Variants in TMEM132C observed in about 807,000 individuals in gnomAD.
The protein encoded by TMEM132C is protein phosphatase 1, regulatory subunit 152.
TMEM132C carries 29 observed loss-of-function variants against 61.4 expected under a neutral mutation model. The ratio of observed to expected loss-of-function variants is 0.47; its 90% CI spans 0.35 to 0.64. The LOEUF (loss-of-function observed/expected upper bound fraction) is 0.64. TMEM132C is among the 30% of genes least tolerant of loss of function. TMEM132C has a pLI of 0.00. For synonymous variants in TMEM132C, 656 were observed against 633.1 expected, an observed-to-expected ratio of 1.04 and a Z score of -0.54; for missense variants, 1,408 against 1,476.9, an observed-to-expected ratio of 0.95 and a Z score of 0.76.
chr12:128,295,007 A>ATAGATAGGTAGG, intron 1 of TMEM132C, among the ~76,000 whole-genome samples: 1 of 150,376 alleles, frequency 6.6e-6, no homozygotes, highest in Non-Finnish European at 1.5e-5. Flanking sequence ...AGATAGGTAG[A>ATAGATAGGTAGG]TAGATAAGAA....
In TMEM132C at chr12:128,696,309, G is replaced by A. The variant is rs532640010; in HGVS notation, c.1929+206G>A. On this transcript the variant is annotated intron_variant, in intron 7 of 8. Coordinates refer to ENST00000435159, the MANE Select transcript of TMEM132C (RefSeq NM_001136103.3). ...GGCAGCTGCACCCTCTTAGCTCCCC[G>A]TGTGACCTCATTCTCAATGGCTGCC... Among the ~76,000 whole-genome samples, 10 of 152,204 alleles carry A rather than the reference G, an allele frequency of 6.6e-5. No individual in the cohort carries two copies. The South Asian group carries it at 1.0e-3, about 16-fold the overall frequency.
At chr12:128,453,373 G>A (rs1054277308) in intron 2 of TMEM132C, among the ~76,000 whole-genome samples, 3 of 152,140 alleles carry the variant, frequency 2.0e-5, no homozygotes, top group Admixed American at 6.5e-5. Context: ...GGTCTCCCAC[G>A]GGAGTGGCTG....
intron 5 of TMEM132C, among the ~76,000 whole-genome samples, chr12:128,681,519 G>A (rs1954634061): frequency 6.6e-6 from 1 of 152,030 alleles, no homozygotes; most frequent in African/African-American, 2.4e-5. Context: ...TGGATCCAGG[G>A]GCTCAAATGA....
chr12:128,617,025 A>G (rs1344833286), intron 4 of TMEM132C, among the ~76,000 whole-genome samples: 1 of 152,222 alleles, frequency 6.6e-6, no homozygotes, highest in East Asian at 1.9e-4. Context: ...ACACAACCCA[A>G]CTTCACCTTG....
At chr12:128,458,128 T>C (rs1174585992) in intron 2 of TMEM132C, among the ~76,000 whole-genome samples, 2 of 151,054 alleles carry the variant, frequency 1.3e-5, no homozygotes, top group African/African-American at 4.8e-5. Flanking sequence ...AGTTAGTAGA[T>C]TGATTATATA....
intron 3 of TMEM132C, among the ~76,000 whole-genome samples, chr12:128,592,845 TG>T (rs1235082830): frequency 6.6e-6 from 1 of 152,216 alleles, no homozygotes; most frequent in Admixed American, 6.5e-5. Flanking sequence ...TCAGGAGGCC[TG>T]GGCCCTTCTC....
At position 128,283,528 on chromosome 12, in the gene TMEM132C, A is replaced by ATC. The variant is rs148681401; in HGVS notation, c.85+16058_85+16059dup. Among the ~76,000 whole-genome samples the ATC allele has an allele frequency of 2.2e-3, 320 of 148,772 alleles. 3 individuals carry two copies. Among genetic ancestry groups the ATC allele is most frequent in the Middle Eastern group, 0.014 (4 of 280 alleles). On this transcript the variant is annotated intron_variant, in intron 1 of 8. Coordinates refer to ENST00000435159, the MANE Select transcript of TMEM132C (RefSeq NM_001136103.3). ...TCCATCTACTGTTCTGTATCTAGGC[A>ATC]TCTCTCTCTCTCTCTCTCCCTCTGT...
chr12:128,341,797 C>T (rs1872984575), intron 1 of TMEM132C, among the ~76,000 whole-genome samples: 1 of 152,196 alleles, frequency 6.6e-6, no homozygotes, highest in South Asian at 2.1e-4. Context: ...ACTGTTAACT[C>T]AGCCCCTGCA....
At position 128,542,449 on chromosome 12, in the gene TMEM132C, G is replaced by A. The variant is rs142902440; in HGVS notation, c.975-1508G>A. ...ACCTCCCGAGTAGCTGGGACTAAAG[G>A]CATGCACCACCATGCCGGGTTAAGT... On this transcript the variant is annotated intron_variant, in intron 2 of 8. Transcript: ENST00000435159. Among the ~76,000 whole-genome samples the A allele has an allele frequency of 1.9e-3, 293 of 152,232 alleles. 3 individuals are homozygous for A. Among genetic ancestry groups the A allele is most frequent in the African/African-American group, 6.6e-3 (276 of 41,544 alleles).
At chr12:128,686,053 ATGTG>A (rs35212839) in intron 5 of TMEM132C, among the ~76,000 whole-genome samples, 3 of 143,184 alleles carry the variant, frequency 2.1e-5, no homozygotes, top group Admixed American at 2.0e-4. Flanking sequence ...GCGTGTGTGC[ATGTG>A]TGTGTGTGCA....
chr12:128,669,932 A>G (rs1954515065), intron 5 of TMEM132C, among the ~76,000 whole-genome samples: 1 of 152,256 alleles, frequency 6.6e-6, no homozygotes, highest in African/African-American at 2.4e-5. Context: ...TTTAAATGGC[A>G]GAATCCACAA....
chr12:128,617,618 ACAGGTGTGGAATCAGGTGGGG>A (rs1468223495), intron 4 of TMEM132C, among the ~76,000 whole-genome samples: 9 of 151,638 alleles, frequency 5.9e-5, no homozygotes, highest in South Asian at 4.2e-4. Flanking sequence ...GTCAGGTGGG[ACAGGTGTGGAATCAGGTGGGG>A]CAGGTGTGGA....
intron 4 of TMEM132C, among the ~76,000 whole-genome samples, chr12:128,620,171 G>T (rs1362391618): frequency 6.7e-6 from 1 of 148,364 alleles, no homozygotes; most frequent in African/African-American, 2.5e-5. Context: ...GTTGGAGGCT[G>T]CAGTGAGCCG....
chr12:128,339,321 G>T (rs1176325009), intron 1 of TMEM132C, among the ~76,000 whole-genome samples: 1 of 152,006 alleles, frequency 6.6e-6, no homozygotes, highest in Non-Finnish European at 1.5e-5. Flanking sequence ...CCAGGGGGTT[G>T]GAGGTCTGTC....
At chr12:128,501,456 G>C (rs1190984378) in intron 2 of TMEM132C, among the ~76,000 whole-genome samples, 1 of 152,228 alleles carries the variant, frequency 6.6e-6, no homozygotes, top group Non-Finnish European at 1.5e-5. Context: ...AACTAAGTGA[G>C]TGGTGCAGGG....
At chr12:128,393,273 A>G (rs1009074305) in intron 1 of TMEM132C, among the ~76,000 whole-genome samples, 1 of 152,168 alleles carries the variant, frequency 6.6e-6, no homozygotes. Flanking sequence ...GTACATGAAG[A>G]CCAATTGGAA....
At chr12:128,295,702 G>A (rs1318839702) in intron 1 of TMEM132C, among the ~76,000 whole-genome samples, 2 of 148,874 alleles carry the variant, frequency 1.3e-5, no homozygotes, top group Middle Eastern at 3.6e-3. Flanking sequence ...AGAAAAATAA[G>A]AGCCCCACAT....
intron 4 of TMEM132C, among the ~76,000 whole-genome samples, chr12:128,666,220 C>G (rs1954472382): frequency 6.7e-6 from 1 of 150,214 alleles, no homozygotes. Context: ...CAGGCACCCA[C>G]ACACACAGGC....
chr12:128,298,068 G>A (rs1871465689), intron 1 of TMEM132C, among the ~76,000 whole-genome samples: 1 of 152,208 alleles, frequency 6.6e-6, no homozygotes, highest in Non-Finnish European at 1.5e-5. Flanking sequence ...TAGCTTTAAA[G>A]GTTACAAAGC....
Sources: allele counts gnomAD v4.1 joint callset (sites outside exome capture counted in the v4.1 genomes callset), GRCh38; gene constraint gnomAD v4.1.1; transcripts MANE v1.5; gene names NCBI Gene and HGNC (gene_info 2026-07-23, HGNC 2026-07-21).